SLC35F4: variants seen among roughly 807,000 people sequenced by gnomAD.
The protein encoded by SLC35F4 is solute carrier family 35 member F4.
SLC35F4 carries 24 observed loss-of-function variants against 44.2 expected under a neutral mutation model. The ratio of observed to expected loss-of-function variants is 0.54; its 90% CI spans 0.39 to 0.76. The LOEUF is 0.76. Among genes scored for constraint, SLC35F4 ranks in the 30% least tolerant of loss-of-function variants. The pLI, the probability that SLC35F4 is intolerant of heterozygous loss-of-function variation, is 0.00. For missense variants in SLC35F4, 562 were observed against 586.1 expected (o/e 0.96, Z 0.42); for synonymous variants, 238 against 223.6 (o/e 1.06, Z -0.57).
chr14:57,585,149 G>A (rs1331080405), intron 3 of SLC35F4, among the ~76,000 whole-genome samples: 5 of 152,020 alleles, frequency 3.3e-5, no homozygotes, highest in Non-Finnish European at 5.9e-5. Flanking sequence ...ATCAACTCAC[G>A]GTGAGAATTA....
intron 1 of SLC35F4, among the ~76,000 whole-genome samples, chr14:57,762,716 G>T (rs938941163): frequency 1.3e-5 from 2 of 152,076 alleles, no homozygotes; most frequent in East Asian, 1.9e-4. Context: ...TGAGTTCAGC[G>T]TCTCCCTTTC....
chr14:57,694,469 A>G (rs2075323909), intron 1 of SLC35F4, among the ~76,000 whole-genome samples: 3 of 152,058 alleles, frequency 2.0e-5, no homozygotes, highest in African/African-American at 7.2e-5. Flanking sequence ...GCTCTAATGT[A>G]CTCATTTTTA....
intron 1 of SLC35F4, among the ~76,000 whole-genome samples, chr14:57,895,460 G>C (rs755412293): frequency 1.3e-5 from 2 of 152,116 alleles, no homozygotes; most frequent in Middle Eastern, 6.8e-3. Context: ...GGGCCTGGTC[G>C]GATGTGATCA....
intron 1 of SLC35F4, among the ~76,000 whole-genome samples, chr14:57,712,328 C>G (rs1265859637): frequency 6.6e-6 from 1 of 152,160 alleles, no homozygotes; most frequent in East Asian, 1.9e-4. Flanking sequence ...ACAGCTTTAT[C>G]CTGAAGGTCG....
At chr14:57,569,404 C>T (rs985092309) in intron 6 of SLC35F4, among the ~76,000 whole-genome samples, 5 of 152,270 alleles carry the variant, frequency 3.3e-5, no homozygotes, top group Admixed American at 2.6e-4. Context: ...CAGTTTGAAC[C>T]ACTCTGAGTT....
At chr14:57,594,753 A>G (rs1445823286) in intron 1 of SLC35F4, among the ~76,000 whole-genome samples, 3 of 152,176 alleles carry the variant, frequency 2.0e-5, no homozygotes, top group South Asian at 2.1e-4. Context: ...CAAACTGACT[A>G]TACACTTTTC....
intron 1 of SLC35F4, among the ~76,000 whole-genome samples, chr14:57,645,111 T>C (rs2073439559): frequency 6.6e-6 from 1 of 152,204 alleles, no homozygotes; most frequent in Non-Finnish European, 1.5e-5. Context: ...CAGACTCTTT[T>C]TTGGTTCCAC....
At chr14:57,833,693 T>C (rs1884618481) in intron 1 of SLC35F4, among the ~76,000 whole-genome samples, 2 of 152,228 alleles carry the variant, frequency 1.3e-5, no homozygotes, top group South Asian at 2.1e-4. Flanking sequence ...ACTCCAGCCA[T>C]GGCCATAGCT....
At chr14:57,603,662 A>G (rs2070973866) in intron 1 of SLC35F4, among the ~76,000 whole-genome samples, 1 of 152,220 alleles carries the variant, frequency 6.6e-6, no homozygotes, top group Non-Finnish European at 1.5e-5. Flanking sequence ...GCAGCGTCTC[A>G]GCCAGATTGT....
intron 1 of SLC35F4, among the ~76,000 whole-genome samples, chr14:57,695,321 C>G (rs1412700969): frequency 6.6e-6 from 1 of 151,492 alleles, no homozygotes; most frequent in Non-Finnish European, 1.5e-5. Flanking sequence ...AACAAATTTA[C>G]AAGAAAAAAA....
chr14:57,673,921 A>G (rs554571993), intron 1 of SLC35F4, among the ~76,000 whole-genome samples: 1 of 152,254 alleles, frequency 6.6e-6, no homozygotes, highest in South Asian at 2.1e-4. Context: ...TTTAACAAAG[A>G]ATACAGTAAA....
intron 1 of SLC35F4, among the ~76,000 whole-genome samples, chr14:57,814,930 A>C (rs1009411369): frequency 3.3e-5 from 5 of 152,232 alleles, no homozygotes; most frequent in Non-Finnish European, 5.9e-5. Flanking sequence ...CAAACATCTC[A>C]GTGACAATTT....
intron 1 of SLC35F4, among the ~76,000 whole-genome samples, chr14:57,979,397 G>A (rs986369420): frequency 6.6e-5 from 10 of 152,228 alleles, no homozygotes; most frequent in South Asian, 2.1e-4. Context: ...TGAACACTTC[G>A]TTTTCTCTCA....
At chr14:57,622,073 G>A (rs373127868) in intron 1 of SLC35F4, among the ~76,000 whole-genome samples, 37 of 146,752 alleles carry the variant, frequency 2.5e-4, no homozygotes, top group South Asian at 1.1e-3. Flanking sequence ...AAAAATGCTC[G>A]CCATCACTGG....
chr14:57,867,363 T>A, upstream of SLC35F4, among the ~76,000 whole-genome samples: 1 of 152,190 alleles, frequency 6.6e-6, no homozygotes, highest in East Asian at 1.9e-4. Context: ...GTTTTGGGTT[T>A]TCATCCAAAC....
intron 1 of SLC35F4, among the ~76,000 whole-genome samples, chr14:57,714,335 C>T (rs936685055): frequency 3.9e-5 from 6 of 152,080 alleles, no homozygotes; most frequent in African/African-American, 1.4e-4. Context: ...GCCTGAGCAA[C>T]ATTTTATTAT....
At chr14:57,647,514 C>T (rs1479677020) in intron 1 of SLC35F4, among the ~76,000 whole-genome samples, 1 of 152,144 alleles carries the variant, frequency 6.6e-6, no homozygotes, top group African/African-American at 2.4e-5. Context: ...TTGAACTGCA[C>T]TGTAATTCCT....
At chr14:57,894,414 A>C (rs1388358760) in intron 1 of SLC35F4, among the ~76,000 whole-genome samples, 3 of 152,160 alleles carry the variant, frequency 2.0e-5, no homozygotes, top group Non-Finnish European at 4.4e-5. Flanking sequence ...TGGCTTCACA[A>C]GCTTTATGAT....
At chr14:57,819,667 G>A (rs1252075441) in intron 1 of SLC35F4, among the ~76,000 whole-genome samples, 1 of 151,328 alleles carries the variant, frequency 6.6e-6, no homozygotes, top group African/African-American at 2.4e-5. Flanking sequence ...ACAAAAATTA[G>A]CCAGGCATGG....
Sources: allele counts gnomAD v4.1 joint callset (sites outside exome capture counted in the v4.1 genomes callset), GRCh38; gene constraint gnomAD v4.1.1; transcripts MANE v1.5; gene names NCBI Gene and HGNC (gene_info 2026-07-23, HGNC 2026-07-21).